The following ZFHX3 variants were observed in gnomAD, a reference collection of about 807,000 sequenced individuals.
ZFHX3 encodes the protein zinc finger homeobox 3, also known as zinc finger homeobox protein 3.
In ZFHX3, 42 loss-of-function variants were observed where a neutral mutation model predicts 279.1. The observed-to-expected ratio is 0.15, with a 90% CI of 0.12 to 0.19. ZFHX3 has a LOEUF of 0.19. Ranked by LOEUF, ZFHX3 falls within the 10% of genes least tolerant of loss-of-function variation. ZFHX3 has a pLI of 1.00. For missense variants in ZFHX3, 4,981 were observed against 4,754.0 expected (o/e 1.05, Z -1.40); for synonymous variants, 2,293 against 1,957.8 (o/e 1.17, Z -4.52).
At chr16:73,539,555 C>G (rs2019975209) in intron 2 of ZFHX3, among the ~76,000 whole-genome samples, 2 of 149,292 alleles carry the variant, frequency 1.3e-5, no homozygotes, top group South Asian at 4.3e-4. Context: ...ATCTGTAAAC[C>G]ACAAAGCAGC....
intron 3 of ZFHX3, among the ~76,000 whole-genome samples, chr16:73,386,058 G>A (rs1243426601): frequency 6.6e-6 from 1 of 152,144 alleles, no homozygotes; most frequent in Non-Finnish European, 1.5e-5. Context: ...AACTACCGAA[G>A]GGTAGGTCAT....
chr16:73,848,970 C>T lies in ZFHX3; in HGVS notation c.-1608+42681G>A, dbSNP rs1255843665. On this transcript the variant is annotated intron_variant, in intron 1 of 17. Transcript: ENST00000641206. Reference sequence around the variant, plus strand: ...CCAAGGGTTTTCTTTTGAGGCTAAACATTTTCTTCGACTGTTCAGTTCACT... The same window carrying T: ...CCAAGGGTTTTCTTTTGAGGCTAAATATTTTCTTCGACTGTTCAGTTCACT... 3.9e-5 allele frequency among the ~76,000 whole-genome samples: 6 copies of T among 152,206 alleles called. No homozygotes were observed. The East Asian group carries it at 1.2e-3, about 29-fold the overall frequency.
chr16:72,790,257 G>A (rs891968999), intron 9 of ZFHX3: 2 of 152,680 alleles, frequency 1.3e-5, no homozygotes, highest in Non-Finnish European at 2.9e-5. Flanking sequence ...GAAAAGCTGA[G>A]AAAACAAAGA....
chr16:73,226,283 G>C (rs1401458078), intron 5 of ZFHX3, among the ~76,000 whole-genome samples: 4 of 152,186 alleles, frequency 2.6e-5, no homozygotes, highest in Admixed American at 6.5e-5. Flanking sequence ...CAGGGAGCTG[G>C]TTCCTGCAAT....
intron 2 of ZFHX3, among the ~76,000 whole-genome samples, chr16:73,620,526 G>A (rs1437660192): frequency 1.3e-5 from 2 of 152,186 alleles, no homozygotes; most frequent in African/African-American, 4.8e-5. Context: ...AGCATTCCTG[G>A]TTTGAATAAA....
In ZFHX3 at chr16:73,806,387, G is replaced by C. The variant is rs571631762; in HGVS notation, c.-1608+85264C>G. ...AGCCGGTGTGACCACAGCACAGTGA[G>C]AGAACAAGAGATCAGAGATGGAGCC... is the stretch of plus-strand genomic sequence containing the variant. On this transcript the variant is annotated intron_variant, in intron 1 of 17. Transcript: ENST00000641206. 9.2e-5 allele frequency among the ~76,000 whole-genome samples: 14 copies of C among 152,334 alleles called. No individual in the cohort carries two copies. In the South Asian group the frequency reaches 2.7e-3, roughly 29 times the overall value.
chr16:73,638,255 C>T (rs947286250), intron 2 of ZFHX3, among the ~76,000 whole-genome samples: 3 of 151,940 alleles, frequency 2.0e-5, no homozygotes, highest in Admixed American at 6.6e-5. Context: ...GGAAATTAAT[C>T]GAGGATTGAT....
intron 1 of ZFHX3, chr16:73,015,395 G>C (rs994639581): frequency 9.9e-5 from 15 of 152,124 alleles, no homozygotes; most frequent in Non-Finnish European, 1.5e-5. Context: ...CTTAGCATTA[G>C]ACAGAAAAAA....
chr16:73,535,456 G>A (rs1248201521), intron 2 of ZFHX3, among the ~76,000 whole-genome samples: 1 of 152,060 alleles, frequency 6.6e-6, no homozygotes, highest in Non-Finnish European at 1.5e-5. Context: ...GGTCAATCAG[G>A]GTCTCCCCTA....
At chr16:73,246,359 C>T (rs1487522803) in intron 5 of ZFHX3, among the ~76,000 whole-genome samples, 2 of 152,172 alleles carry the variant, frequency 1.3e-5, no homozygotes, top group African/African-American at 4.8e-5. Flanking sequence ...AGTCACATAT[C>T]TATGAGGTCT....
At chr16:73,256,798 T>C (rs1296995465) in intron 5 of ZFHX3, among the ~76,000 whole-genome samples, 1 of 152,218 alleles carries the variant, frequency 6.6e-6, no homozygotes, top group Non-Finnish European at 1.5e-5. Context: ...CATTTAATCA[T>C]AGTGCCCTTT....
chr16:73,126,085 G>A (rs936865594), intron 7 of ZFHX3, among the ~76,000 whole-genome samples: 15 of 152,252 alleles, frequency 9.9e-5, no homozygotes, highest in African/African-American at 3.4e-4. Flanking sequence ...GGACTAGTAT[G>A]GGGTTTGTGC....
intron 1 of ZFHX3, among the ~76,000 whole-genome samples, chr16:73,742,824 ACCTTTCCATGAGAATT>A (rs1260509761): frequency 6.6e-6 from 1 of 152,188 alleles, no homozygotes; most frequent in African/African-American, 2.4e-5. Flanking sequence ...TAGGGTATAC[ACCTTTCCATGAGAATT>A]CATGATCTAA....
At chr16:73,614,188 G>A (rs1412292629) in intron 2 of ZFHX3, among the ~76,000 whole-genome samples, 1 of 152,242 alleles carries the variant, frequency 6.6e-6, no homozygotes, top group African/African-American at 2.4e-5. Context: ...CATTTCACAC[G>A]TGAACGTATG....
intron 2 of ZFHX3, among the ~76,000 whole-genome samples, chr16:73,546,314 T>A (rs752044577): frequency 6.6e-6 from 1 of 152,126 alleles, no homozygotes; most frequent in Non-Finnish European, 1.5e-5. Context: ...CCCCTGTGCA[T>A]CCAATAGGTT....
intron 2 of ZFHX3, among the ~76,000 whole-genome samples, chr16:73,496,187 G>A: frequency 6.6e-6 from 1 of 152,210 alleles, no homozygotes; most frequent in Admixed American, 6.5e-5. Flanking sequence ...GAAGCCCCTA[G>A]GCCCTGAAAA....
At chr16:73,815,384 T>C (rs1211551488) in intron 1 of ZFHX3, among the ~76,000 whole-genome samples, 3 of 152,128 alleles carry the variant, frequency 2.0e-5, no homozygotes, top group Non-Finnish European at 4.4e-5. Flanking sequence ...GAAAACCCCA[T>C]GCAGGATATG....
chr16:73,290,448 G>T (rs1381820700), intron 4 of ZFHX3, among the ~76,000 whole-genome samples: 1 of 152,192 alleles, frequency 6.6e-6, no homozygotes, highest in African/African-American at 2.4e-5. Flanking sequence ...CCTGGGGTGG[G>T]CAGGGGCCTG....
At chr16:73,762,074 A>G (rs2053874043) in intron 1 of ZFHX3, among the ~76,000 whole-genome samples, 1 of 152,038 alleles carries the variant, frequency 6.6e-6, no homozygotes, top group South Asian at 2.1e-4. Context: ...AATTTTTGCA[A>G]TGTATCCATC....
Sources: allele counts gnomAD v4.1 joint callset (sites outside exome capture counted in the v4.1 genomes callset), GRCh38; gene constraint gnomAD v4.1.1; transcripts MANE v1.5; gene names NCBI Gene and HGNC (gene_info 2026-07-23, HGNC 2026-07-21).